The following ZNF451 variants were observed in gnomAD, a reference collection of about 807,000 sequenced individuals.
ZNF451 encodes the protein E3 SUMO-protein ligase ZNF451.
A neutral mutation model predicts 107.1 loss-of-function variants in ZNF451; 80 were observed. The ratio of observed to expected loss-of-function variants is 0.75; its 90% CI spans 0.62 to 0.90. The LOEUF (loss-of-function observed/expected upper bound fraction) is 0.90. Ranked by LOEUF, ZNF451 falls within the 40% of genes least tolerant of loss-of-function variation. ZNF451 has a pLI of 0.00. For missense variants in ZNF451, 1,107 were observed against 1,236.2 expected, an observed-to-expected ratio of 0.90 and a Z score of 1.57; for synonymous variants, 362 against 406.5, an observed-to-expected ratio of 0.89 and a Z score of 1.32.
Position 57,147,675 on chromosome 6 carries a change from T to C in ZNF451, c.1590T>C (p.Leu530=), listed in dbSNP as rs1832137201. ...GAGGGGCACATTTAAATAACTTTCT[T>C]TTCTGGTGTCGGACATGCAAAAAGG... ...IHGGAHLNNF[L]FWCRTCKKEL... Residue 530 remains leucine (L), a synonymous_variant, in exon 10 of 15, where the codon CTT becomes CTC. Transcript: ENST00000370706. The C allele has an allele frequency of 6.2e-7, 1 of 1,614,172 alleles. No individual in the cohort carries two copies. Among genetic ancestry groups the C allele is most frequent in the Non-Finnish European group, 8.5e-7 (1 of 1,179,982 alleles).
chr6:57,092,033 C>T (rs2127928010), intron 2 of ZNF451, among the ~76,000 whole-genome samples: 1 of 152,248 alleles, frequency 6.6e-6, no homozygotes, highest in East Asian at 1.9e-4. Context: ...GAATTGTATC[C>T]TGTCCTTTCC....
rs186062626 is a variant in ZNF451 at position 57,095,447 on chromosome 6, C to T, written c.106-3614C>T. 2.7e-3 allele frequency among the ~76,000 whole-genome samples: 408 copies of T among 150,762 alleles called. 1 individual carries two copies. The highest frequency in any genetic ancestry group is 4.7e-3 in the Non-Finnish European group (320 of 67,686). On this transcript the variant is annotated intron_variant, in intron 2 of 14. Coordinates refer to ENST00000370706, the MANE Select transcript of ZNF451 (RefSeq NM_001031623.3). ...TCCTAGGCTCAAGCAATTCTGCTGCCTCAGCCTCCCAAATAGCTGGGACTA... is the reference window on the plus strand; with the variant it reads ...TCCTAGGCTCAAGCAATTCTGCTGCTTCAGCCTCCCAAATAGCTGGGACTA...
intron 7 of ZNF451, among the ~76,000 whole-genome samples, chr6:57,137,363 T>C (rs1459050666): frequency 2.6e-5 from 4 of 152,356 alleles, no homozygotes; most frequent in East Asian, 1.9e-4. Context: ...TCTTTCATCT[T>C]CAATTTCTTC....
intron 3 of ZNF451, chr6:57,109,680 G>T (rs1486180936): frequency 1.0e-6 from 1 of 979,342 alleles, no homozygotes; most frequent in Non-Finnish European, 1.2e-6. Context: ...AAGCCTAACA[G>T]TGTACTAAGT....
chr6:57,113,875 C>T (rs1275481863), intron 3 of ZNF451, among the ~76,000 whole-genome samples: 5 of 152,176 alleles, frequency 3.3e-5, no homozygotes. Context: ...CCCACCTCGG[C>T]CTCCCAAAGT....
At chr6:57,095,593 A>C (rs903855709) in intron 2 of ZNF451, among the ~76,000 whole-genome samples, 2 of 151,772 alleles carry the variant, frequency 1.3e-5, no homozygotes, top group Non-Finnish European at 2.9e-5. Flanking sequence ...TCGGCCTCCC[A>C]AAGTGCTGGG....
chr6:57,121,816 A>G (rs771390831), intron 3 of ZNF451, among the ~76,000 whole-genome samples: 1 of 152,210 alleles, frequency 6.6e-6, no homozygotes, highest in Non-Finnish European at 1.5e-5. Context: ...AAAGCATTCT[A>G]TAGATTTAAC....
At chr6:57,095,160 A>T (rs1458788075) in intron 2 of ZNF451, among the ~76,000 whole-genome samples, 1 of 152,072 alleles carries the variant, frequency 6.6e-6, no homozygotes, top group Non-Finnish European at 1.5e-5. Context: ...TTTGGGGTAC[A>T]TGTCTGTCCT....
intron 7 of ZNF451, 80 bp downstream of exon 7, chr6:57,134,950 T>A: frequency 8.1e-7 from 1 of 1,229,844 alleles, no homozygotes; most frequent in Non-Finnish European, 1.1e-6. Flanking sequence ...CTGCTGTTCT[T>A]AAGCTTGCAA....
chr6:57,151,435 A>C (rs901536580), intron 11 of ZNF451: 6 of 149,666 alleles, frequency 4.0e-5, no homozygotes, highest in Admixed American at 2.7e-4. Context: ...AAAAGCCTTT[A>C]TTCAACACCT....
chr6:57,110,757 A>G (rs1279297391), intron 3 of ZNF451, among the ~76,000 whole-genome samples: 2 of 152,154 alleles, frequency 1.3e-5, no homozygotes, highest in Admixed American at 6.5e-5. Context: ...GTGGGTTCCT[A>G]TCACCAGAAC....
At chr6:57,148,825 T>G in intron 10 of ZNF451, 132 bp downstream of exon 10, 3 of 814,030 alleles carry the variant, frequency 3.7e-6, no homozygotes. Context: ...GGTATATACA[T>G]TTTAGGGGTT....
At chr6:57,090,443 G>A (rs1291557946) in intron 1 of ZNF451, among the ~76,000 whole-genome samples, 169 bp downstream of exon 1, 8 of 137,534 alleles carry the variant, frequency 5.8e-5, no homozygotes, top group African/African-American at 2.2e-4. Flanking sequence ...CGAGGAACCC[G>A]CAGCAACAAT....
In ZNF451 at chr6:57,154,053, C is replaced by A. The variant is rs866283150; in HGVS notation, c.3070+6C>A. 1.2e-5 allele frequency: 20 copies of A among 1,613,864 alleles called. No homozygotes were observed. In the Middle Eastern group the frequency reaches 1.8e-3, roughly 146 times the overall value. ...CATATCTGATACCACCAAAGGTACG[C>A]AGCTGCAGTCACAGTGCAAACCACC... On this transcript the variant is annotated splice_donor_region_variant and intron_variant, in intron 13 of 14. Coordinates refer to ENST00000370706, the MANE Select transcript of ZNF451 (RefSeq NM_001031623.3).
chr6:57,101,012 T>G, intron 3 of ZNF451: 1 of 1,550,780 alleles, frequency 6.4e-7, no homozygotes, highest in South Asian at 1.2e-5. Flanking sequence ...ATACGTGATC[T>G]GCAGTCCAGG....
chr6:57,161,228 C>T (rs1285392347), intron 14 of ZNF451, 76 bp downstream of exon 14: 1 of 802,292 alleles, frequency 1.2e-6, no homozygotes, highest in Non-Finnish European at 1.9e-6. Context: ...GTCTCTCACC[C>T]ATTCACCCCT....
At chr6:57,111,260 C>CTT (rs79811702) in intron 3 of ZNF451, among the ~76,000 whole-genome samples, 3 of 141,838 alleles carry the variant, frequency 2.1e-5, no homozygotes, top group Non-Finnish European at 3.1e-5. Context: ...ACAGTTCATC[C>CTT]TTTTTTTTTT....
chr6:57,154,972 T>G (rs1242467025), intron 13 of ZNF451, among the ~76,000 whole-genome samples: 3 of 152,158 alleles, frequency 2.0e-5, no homozygotes, highest in Non-Finnish European at 2.9e-5. Flanking sequence ...AATCACTGAT[T>G]ACAGTGGATC....
At chr6:57,108,345 C>G in intron 3 of ZNF451, 1 of 985,288 alleles carries the variant, frequency 1.0e-6, no homozygotes, top group African/African-American at 1.7e-5. Flanking sequence ...CTTGTTAACT[C>G]TACTTTTATT....
Sources: gnomAD v4.1 joint callset for allele counts (sites outside exome capture counted in the v4.1 genomes callset) on GRCh38, gnomAD v4.1.1 for gene constraint, MANE v1.5 for transcripts, NCBI Gene and HGNC (gene_info 2026-07-23, HGNC 2026-07-21) for gene names.